The following DPT variants were observed in gnomAD, a reference collection of about 807,000 sequenced individuals.
The protein encoded by DPT is dermatopontin, also known as tyrosine-rich acidic matrix protein.
Under a neutral mutation model 31.2 loss-of-function variants are expected in DPT, and 21 were observed. The observed-to-expected ratio is 0.67, with a 90% CI of 0.48 to 0.97. DPT has a LOEUF of 0.97. Among genes scored for constraint, DPT ranks in the 50% least tolerant of loss-of-function variants. DPT has a pLI of 0.00. For synonymous variants in DPT, 91 were observed against 86.9 expected (o/e 1.05, Z -0.26); for missense variants, 262 against 258.8 (o/e 1.01, Z -0.08).
intron 2 of DPT, among the ~76,000 whole-genome samples, chr1:168,703,524 A>C (rs1171037053): frequency 6.6e-6 from 1 of 152,244 alleles, no homozygotes; most frequent in African/African-American, 2.4e-5. Context: ...TCCATGAGGT[A>C]CTGATGTCCA....
At chr1:168,709,619 T>G (rs1649806029) in intron 2 of DPT, among the ~76,000 whole-genome samples, 1 of 152,238 alleles carries the variant, frequency 6.6e-6, no homozygotes, top group African/African-American at 2.4e-5. Flanking sequence ...ATGATATTTC[T>G]GAATCCCTAA....
At chr1:168,709,877 T>C (rs776957459) in intron 2 of DPT, among the ~76,000 whole-genome samples, 18 of 152,200 alleles carry the variant, frequency 1.2e-4, no homozygotes, top group Non-Finnish European at 2.4e-4. Context: ...TGTAAGGCTG[T>C]TAAAAGGATC....
At chr1:168,705,480 G>T (rs1649699735) in intron 2 of DPT, among the ~76,000 whole-genome samples, 1 of 151,948 alleles carries the variant, frequency 6.6e-6, no homozygotes, top group African/African-American at 2.4e-5. Flanking sequence ...ATAAAAACTG[G>T]AAAAAAACCC....
At chr1:168,723,335 C>T in intron 1 of DPT, among the ~76,000 whole-genome samples, 1 of 152,204 alleles carries the variant, frequency 6.6e-6, no homozygotes, top group African/African-American at 2.4e-5. Flanking sequence ...ACCTGGATTC[C>T]AATACTGTTG....
chr1:168,722,648 A>G (rs1008056528), intron 1 of DPT, among the ~76,000 whole-genome samples: 1 of 152,196 alleles, frequency 6.6e-6, no homozygotes, highest in South Asian at 2.1e-4. Context: ...CCCTAAGGAC[A>G]CAAGTTAATG....
At chr1:168,711,724 C>T (rs1365198313) in intron 2 of DPT, among the ~76,000 whole-genome samples, 1 of 152,206 alleles carries the variant, frequency 6.6e-6, no homozygotes, top group Non-Finnish European at 1.5e-5. Flanking sequence ...GGCTGGGTCT[C>T]TCCTGCATCT....
intron 1 of DPT, among the ~76,000 whole-genome samples, chr1:168,718,449 G>A (rs1464568762): frequency 6.6e-6 from 1 of 152,238 alleles, no homozygotes; most frequent in Non-Finnish European, 1.5e-5. Flanking sequence ...AACATATAGT[G>A]AAAGTTAGAT....
chr1:168,713,139 G>T (rs1260308454), intron 2 of DPT, among the ~76,000 whole-genome samples: 2 of 152,096 alleles, frequency 1.3e-5, no homozygotes, highest in Non-Finnish European at 2.9e-5. Flanking sequence ...TTTGGTTCAG[G>T]ACCTATCCCA....
intron 1 of DPT, among the ~76,000 whole-genome samples, chr1:168,725,016 C>T (rs1390366401): frequency 1.3e-5 from 2 of 152,160 alleles, no homozygotes; most frequent in Non-Finnish European, 2.9e-5. Flanking sequence ...AGCTGGCTTG[C>T]CCAACATCAG....
intron 1 of DPT, among the ~76,000 whole-genome samples, chr1:168,728,521 T>C (rs988166452): frequency 2.0e-5 from 3 of 152,192 alleles, no homozygotes; most frequent in African/African-American, 7.2e-5. Context: ...TCTATAAAGT[T>C]TATTACTTTC....
chr1:168,704,259 ACAAT>A (rs1252587542), intron 2 of DPT, among the ~76,000 whole-genome samples: 2 of 152,180 alleles, frequency 1.3e-5, no homozygotes, highest in African/African-American at 4.8e-5. Flanking sequence ...ACCAATTAAA[ACAAT>A]CAAACAAACC....
chr1:168,705,158 C>A (rs375960956), intron 2 of DPT, among the ~76,000 whole-genome samples: 1 of 152,190 alleles, frequency 6.6e-6, no homozygotes, highest in African/African-American at 2.4e-5. Flanking sequence ...TATTCCTTGA[C>A]ATAAAGTGAC....
intron 3 of DPT, among the ~76,000 whole-genome samples, chr1:168,699,863 TC>T (rs1215672088): frequency 6.6e-6 from 1 of 152,194 alleles, no homozygotes; most frequent in Non-Finnish European, 1.5e-5. Context: ...CCCACACATT[TC>T]TCTATATTAA....
chr1:168,728,809 CAGG>C (rs1191614142), intron 1 of DPT, 58 bp downstream of exon 1: 20 of 1,575,338 alleles, frequency 1.3e-5, no homozygotes, highest in Non-Finnish European at 1.5e-5. Context: ...TAGCAGCCCC[CAGG>C]AGGAGGGATA....
intron 1 of DPT, among the ~76,000 whole-genome samples, chr1:168,719,590 G>A (rs28456164): frequency 3.0e-4 from 46 of 152,106 alleles, no homozygotes; most frequent in Non-Finnish European, 5.3e-4. Context: ...GCTCTATTCC[G>A]CTTGGAGGGA....
chr1:168,725,143 G>C (rs1650209433), intron 1 of DPT, among the ~76,000 whole-genome samples: 1 of 151,532 alleles, frequency 6.6e-6, no homozygotes, highest in South Asian at 2.1e-4. Context: ...AAGTATCACA[G>C]TAACACAAGT....
intron 1 of DPT, among the ~76,000 whole-genome samples, chr1:168,717,681 T>TGGTTTTGGGTTTTTAC (rs1419768729): frequency 3.3e-5 from 5 of 152,220 alleles, no homozygotes; most frequent in African/African-American, 9.6e-5. Context: ...GGGGTTTTTA[T>TGGTTTTGGGTTTTTAC]GGTTTTGGGT....
At chr1:168,712,241 G>A (rs1188699347) in intron 2 of DPT, among the ~76,000 whole-genome samples, 1 of 152,166 alleles carries the variant, frequency 6.6e-6, no homozygotes, top group Admixed American at 6.5e-5. Context: ...AGGGCAGAGA[G>A]ACAGAGCCAC....
chr1:168,704,186 G>C (rs1649664584), intron 2 of DPT, among the ~76,000 whole-genome samples: 1 of 152,130 alleles, frequency 6.6e-6, no homozygotes, highest in African/African-American at 2.4e-5. Context: ...TGAATTACTA[G>C]GTCACTTTAA....
Sources: gnomAD v4.1 joint callset for allele counts (sites outside exome capture counted in the v4.1 genomes callset) on GRCh38, gnomAD v4.1.1 for gene constraint, MANE v1.5 for transcripts, NCBI Gene and HGNC (gene_info 2026-07-23, HGNC 2026-07-21) for gene names.